Variants in ADAM7 observed in about 807,000 individuals in gnomAD.
ADAM7 encodes disintegrin and metalloproteinase domain-containing protein 7.
In ADAM7, 97 loss-of-function variants were observed where a neutral mutation model predicts 102.9. The observed-to-expected ratio is 0.94, with a 90% CI of 0.80 to 1.12. The LOEUF is 1.12. Ranked by LOEUF, ADAM7 falls within the 50% of genes most tolerant of loss-of-function variation. The probability of loss-of-function intolerance (pLI) is 0.00; values close to 1 mark genes in which losing one functional copy is unlikely to be tolerated. For synonymous variants in ADAM7, 334 were observed against 304.4 expected (o/e 1.10, Z -1.01); for missense variants, 991 against 908.7 (o/e 1.09, Z -1.16).
At position 24,501,461 on chromosome 8, in the gene ADAM7, A is replaced by T. The variant is rs761750234; in HGVS notation, c.2109-16A>T. ...CTATATCTAATAAATTAGTTGTTCA[A>T]TTTCCTTCTTGACAGCCCACCTACA... On this transcript the variant is annotated splice_polypyrimidine_tract_variant and intron_variant, in intron 19 of 21. Transcript: ENST00000175238. 6.3e-7 allele frequency: 1 copy of T among 1,586,452 alleles called. No individual in the cohort carries two copies.
intron 9 of ADAM7, among the ~76,000 whole-genome samples, chr8:24,483,871 C>T (rs1056238487): frequency 2.6e-5 from 4 of 152,142 alleles, no homozygotes; most frequent in African/African-American, 7.2e-5. Flanking sequence ...AGAACACCTC[C>T]GATTCTAACC....
At chr8:24,470,724 T>A (rs1819576477) in intron 7 of ADAM7, among the ~76,000 whole-genome samples, 1 of 152,176 alleles carries the variant, frequency 6.6e-6, no homozygotes, top group Non-Finnish European at 1.5e-5. Flanking sequence ...CCTACTGCAT[T>A]GCCAGTTGTA....
intron 4 of ADAM7, 22 bp from the exon 5 acceptor site, chr8:24,465,677 A>G (rs1819400676): frequency 6.6e-7 from 1 of 1,507,316 alleles, no homozygotes; most frequent in Admixed American, 1.9e-5. Context: ...ACATATAGTA[A>G]TAGAGTCTTC....
intron 2 of ADAM7, among the ~76,000 whole-genome samples, chr8:24,446,719 G>A (rs567640205): frequency 2.6e-5 from 4 of 151,836 alleles, no homozygotes; most frequent in East Asian, 1.9e-4. Flanking sequence ...TTAAAAATGC[G>A]TGAACAGGAT....
Position 24,509,173 on chromosome 8 carries a change from C to G in ADAM7, c.*627C>G, listed in dbSNP as rs1298051371. On this transcript the variant is annotated 3_prime_UTR_variant, in exon 22 of 22. Transcript: ENST00000175238. ...GGCAATTCTAAATTCCTAGGTTTGCCTTTCTAGAATTCCTTAAGAAGCTGA... is the reference window on the plus strand; with the variant it reads ...GGCAATTCTAAATTCCTAGGTTTGCGTTTCTAGAATTCCTTAAGAAGCTGA... 4.1e-6 allele frequency: 4 copies of G among 985,252 alleles called. No homozygotes were observed. The African/African-American group carries it at 7.0e-5, about 17-fold the overall frequency. The allele number at this position is 985,252 out of a possible 1,614,324, so 61.0% of individuals were successfully genotyped here.
chr8:24,472,402 GT>G (rs1819637168), intron 7 of ADAM7, among the ~76,000 whole-genome samples: 1 of 151,900 alleles, frequency 6.6e-6, no homozygotes, highest in Admixed American at 6.6e-5. Context: ...TAAGATCACT[GT>G]TTTCTTTTTT....
At chr8:24,479,636 G>A (rs567614936) in intron 8 of ADAM7, among the ~76,000 whole-genome samples, 34 of 152,242 alleles carry the variant, frequency 2.2e-4, no homozygotes, top group Non-Finnish European at 4.6e-4. Flanking sequence ...CAATCTGTGT[G>A]TGGGTCTGAG....
chr8:24,502,857 C>T (rs1820808569), intron 20 of ADAM7, among the ~76,000 whole-genome samples: 1 of 152,022 alleles, frequency 6.6e-6, no homozygotes, highest in South Asian at 2.1e-4. Context: ...GGGGAAAATT[C>T]CCAATTTATT....
chr8:24,463,787 G>A, intron 3 of ADAM7, 95 bp from the exon 4 acceptor site: 6 of 1,040,976 alleles, frequency 5.8e-6, no homozygotes, highest in Non-Finnish European at 8.5e-6. Context: ...CTGAGATTTG[G>A]AAGCAAACTG....
intron 20 of ADAM7, among the ~76,000 whole-genome samples, chr8:24,503,539 G>A (rs1585934560): frequency 6.6e-6 from 1 of 152,114 alleles, no homozygotes; most frequent in East Asian, 1.9e-4. Flanking sequence ...TATACCCAAA[G>A]GATTGTAAAT....
rs748765642 is a variant in ADAM7, at chr8:24,492,550, T to C, written c.1608T>C (p.Phe536=). 4 of 1,613,240 alleles carry C rather than the reference T, an allele frequency of 2.5e-6. No individual in the cohort carries two copies. In the Admixed American group the frequency reaches 6.7e-5, roughly 27 times the overall value. Residue 536 remains phenylalanine, a synonymous_variant, in exon 15 of 22, where the codon TTT becomes TTC. Coordinates refer to ENST00000175238, the MANE Select transcript of ADAM7 (RefSeq NM_003817.4). ...CYKMNTKGNK[F]GYCKNKENRF... ...AGATGAATACAAAAGGAAATAAATT[T>C]GGATACTGCAAAAACAAGGAAAACA... is the stretch of plus-strand genomic sequence containing the variant.
intron 3 of ADAM7, among the ~76,000 whole-genome samples, chr8:24,453,724 G>T (rs145874942): frequency 2.0e-4 from 31 of 152,100 alleles, no homozygotes; most frequent in Non-Finnish European, 3.7e-4. Context: ...GAGGAGAGGC[G>T]CTCTCCTTTA....
At chr8:24,464,388 A>G (rs1164061373) in intron 4 of ADAM7, among the ~76,000 whole-genome samples, 2 of 152,144 alleles carry the variant, frequency 1.3e-5, no homozygotes, top group East Asian at 1.9e-4. Context: ...TGACGCACCA[A>G]TGTTGAGGTC....
intron 8 of ADAM7, 94 bp from the exon 9 acceptor site, chr8:24,482,048 T>A: frequency 2.2e-6 from 2 of 926,738 alleles, no homozygotes; most frequent in Non-Finnish European, 3.1e-6. Flanking sequence ...AAGTTCAAAT[T>A]ATTGTTTTTT....
At chr8:24,459,467 T>C (rs1191000314) in intron 3 of ADAM7, among the ~76,000 whole-genome samples, 1 of 152,076 alleles carries the variant, frequency 6.6e-6, no homozygotes, top group Admixed American at 6.6e-5. Context: ...TTTTTTGTTT[T>C]TGTTTTTGAG....
At chr8:24,490,068 A>G (rs540342372) in intron 12 of ADAM7, among the ~76,000 whole-genome samples, 6 of 152,286 alleles carry the variant, frequency 3.9e-5, no homozygotes, top group African/African-American at 1.2e-4. Flanking sequence ...TGGCCCGAGG[A>G]CCACAATTTT....
intron 8 of ADAM7, among the ~76,000 whole-genome samples, chr8:24,480,872 CCAA>C (rs755718029): frequency 8.6e-5 from 13 of 151,546 alleles, no homozygotes; most frequent in South Asian, 2.1e-4. Flanking sequence ...AGACATCGTC[CCAA>C]CAACAACAAC....
chr8:24,454,102 T>C (rs928802625), intron 3 of ADAM7, among the ~76,000 whole-genome samples: 4 of 152,108 alleles, frequency 2.6e-5, no homozygotes, highest in Non-Finnish European at 5.9e-5. Context: ...GGGTCAGGGG[T>C]CAGGGACCCA....
chr8:24,481,699 C>A (rs1819957361), intron 8 of ADAM7, among the ~76,000 whole-genome samples: 1 of 152,134 alleles, frequency 6.6e-6, no homozygotes, highest in African/African-American at 2.4e-5. Context: ...TCAAACACAG[C>A]AGTTAAGTTT....
Sources: gnomAD v4.1 joint callset for allele counts (sites outside exome capture counted in the v4.1 genomes callset) on GRCh38, gnomAD v4.1.1 for gene constraint, MANE v1.5 for transcripts, NCBI Gene and HGNC (gene_info 2026-07-23, HGNC 2026-07-21) for gene names.